The following DENND2B variants were observed in gnomAD, a reference collection of about 807,000 sequenced individuals.
DENND2B encodes the protein DENN domain containing 2B.
Under a neutral mutation model 116.0 loss-of-function variants are expected in DENND2B, and 32 were observed. The observed-to-expected ratio is 0.28, with a 90% CI of 0.21 to 0.37. The LOEUF (loss-of-function observed/expected upper bound fraction) is 0.37, where lower values mean the gene tolerates loss of function less well. Ranked by LOEUF, DENND2B falls within the 10% of genes least tolerant of loss-of-function variation. The pLI, the probability that DENND2B is intolerant of heterozygous loss-of-function variation, is 1.00. For missense variants in DENND2B, 1,276 were observed against 1,477.7 expected, an observed-to-expected ratio of 0.86 and a Z score of 2.24; for synonymous variants, 588 against 583.9, an observed-to-expected ratio of 1.01 and a Z score of -0.10.
At position 8,910,709 on chromosome 11, in the gene DENND2B, A is replaced by AGTGTGTGTGTGTGTGTGTGTGTGT. The variant is rs56115841; in HGVS notation, c.-256+88_-256+111dup. On this transcript the variant is annotated intron_variant, in intron 1 of 22. Transcript: ENST00000534127. Reference sequence around the variant, plus strand: ...TGGTACCCCATAACCACTCCTGGCTAGTGTGTGTGTGTGTGTGTGTGTGTG... The same window carrying AGTGTGTGTGTGTGTGTGTGTGTGT: ...TGGTACCCCATAACCACTCCTGGCTAGTGTGTGTGTGTGTGTGTGTGTGTGTGTGTGTGTGTGTGTGTGTGTGTG... 1.1e-3 allele frequency: 83 copies of AGTGTGTGTGTGTGTGTGTGTGTGT among 72,380 alleles called. 5 individuals are homozygous for AGTGTGTGTGTGTGTGTGTGTGTGT. The highest frequency in any genetic ancestry group is 4.6e-3 in the African/African-American group (80 of 17,286). 4.5% of individuals were successfully genotyped at this position (72,380 alleles called of 1,614,324 possible).
intron 3 of DENND2B, among the ~76,000 whole-genome samples, chr11:8,840,314 A>T (rs895276565): frequency 1.3e-5 from 2 of 152,170 alleles, no homozygotes; most frequent in African/African-American, 4.8e-5. Context: ...GCATTCACCA[A>T]AATTCCAGGG....
rs537922832 is a variant in DENND2B, at chr11:8,735,047, T to A, written c.81-3838A>T. ...GGAGTAAATCAAATATGACCATGAATTCTCAGCAGCTCAGGCTATGGAAAG... is the reference window on the plus strand; with the variant it reads ...GGAGTAAATCAAATATGACCATGAAATCTCAGCAGCTCAGGCTATGGAAAG... On this transcript the variant is annotated intron_variant, in intron 2 of 19. Coordinates refer to ENST00000313726, the MANE Select transcript of DENND2B (RefSeq NM_213618.2). Among the ~76,000 whole-genome samples the A allele has an allele frequency of 3.3e-5, 5 of 152,056 alleles. No individual in the cohort carries two copies. In the East Asian group the frequency reaches 9.7e-4, roughly 29 times the overall value.
intron 1 of DENND2B, among the ~76,000 whole-genome samples, chr11:8,892,098 T>C (rs2568039): frequency 0.9 from 136,637 of 152,228 alleles, 63,128 homozygotes; most frequent in East Asian, 1. Context: ...CACTCAAAAC[T>C]GTTCAACTAC....
At chr11:8,776,360 G>C (rs190578650) in intron 1 of DENND2B, 43 of 401,384 alleles carry the variant, frequency 1.1e-4, no homozygotes, top group African/African-American at 7.8e-4. Flanking sequence ...TGAAGCTCAG[G>C]CTGAGAAGCC....
At chr11:8,695,740 G>A (rs950044331) in intron 18 of DENND2B, 191 bp from the exon 19 acceptor site, 61 of 589,622 alleles carry the variant, frequency 1.0e-4, no homozygotes, top group African/African-American at 8.4e-4. Flanking sequence ...ACATCTTGCC[G>A]GGGTTTGCTG....
chr11:8,754,633 A>T (rs1182575148), intron 1 of DENND2B, among the ~76,000 whole-genome samples: 1 of 152,264 alleles, frequency 6.6e-6, no homozygotes, highest in Non-Finnish European at 1.5e-5. Context: ...AATGTTCATA[A>T]CAGAATTACT....
At chr11:8,720,721 T>C (rs1303784990) in intron 4 of DENND2B, among the ~76,000 whole-genome samples, 1 of 151,944 alleles carries the variant, frequency 6.6e-6, no homozygotes, top group East Asian at 1.9e-4. Context: ...CCCAGTCATC[T>C]CTCCAGGTGG....
At chr11:8,701,342 T>G (rs1028163463) in intron 14 of DENND2B, among the ~76,000 whole-genome samples, 1 of 6,116 alleles carries the variant, frequency 1.6e-4, no homozygotes, top group Non-Finnish European at 3.3e-4. Flanking sequence ...AAGGCCAGCT[T>G]CCGGGGGGGG....
chr11:8,699,508 G>A (rs1565626404), intron 14 of DENND2B, 118 bp from the exon 15 acceptor site: 3 of 1,033,800 alleles, frequency 2.9e-6, no homozygotes, highest in African/African-American at 1.6e-5. Context: ...ATGCTAATGG[G>A]GTTCAGGGAC....
Position 8,714,015 on chromosome 11 carries a change from G to T in DENND2B, c.1970C>A (p.Ser657Tyr). ...TGCCTCACCTTTGAACCTGTCATCA[G>T]AGTCGCTCTCGCTCTCACTGTTTTC... is the stretch of plus-strand genomic sequence containing the variant. ...RDENSESESD[S>Y]DDRFKAHTQR... Residue 657 changes from serine to tyrosine, a missense_variant, in exon 8 of 20, where the codon TCT becomes TAT. This residue lies in a region of DENND2B where 420 missense variants were observed against 631.1 expected (regional missense o/e 0.67). Coordinates refer to ENST00000313726, the MANE Select transcript of DENND2B (RefSeq NM_213618.2). The T allele has an allele frequency of 6.2e-7, 1 of 1,614,158 alleles. No individual in the cohort carries two copies. Among genetic ancestry groups the T allele is most frequent in the Non-Finnish European group, 8.5e-7 (1 of 1,180,046 alleles).
intron 1 of DENND2B, among the ~76,000 whole-genome samples, chr11:8,771,481 G>T (rs2134182897): frequency 6.8e-6 from 1 of 146,210 alleles, no homozygotes; most frequent in Non-Finnish European, 1.5e-5. Context: ...AATATATATA[G>T]ATATCTCTCT....
intron 1 of DENND2B, among the ~76,000 whole-genome samples, chr11:8,885,590 G>T (rs931564589): frequency 2.0e-5 from 3 of 152,078 alleles, no homozygotes; most frequent in African/African-American, 7.2e-5. Context: ...ATACATTCCT[G>T]CATTTCTAAC....
chr11:8,864,264 C>T (rs1365233254), intron 2 of DENND2B, among the ~76,000 whole-genome samples: 1 of 152,082 alleles, frequency 6.6e-6, no homozygotes. Context: ...CATCCAATTT[C>T]TTTTGTTGTT....
intron 1 of DENND2B, among the ~76,000 whole-genome samples, chr11:8,888,052 C>G (rs971567968): frequency 3.3e-5 from 5 of 152,222 alleles, no homozygotes; most frequent in Non-Finnish European, 7.3e-5. Flanking sequence ...TGGAATGTCT[C>G]TCCCCAGCTA....
chr11:8,757,109 G>A (rs1480208602), intron 1 of DENND2B: 6 of 456,098 alleles, frequency 1.3e-5, no homozygotes, highest in Non-Finnish European at 2.6e-5. Flanking sequence ...CCGAGGGGCA[G>A]TGGAAAAACA....
chr11:8,774,256 C>T, intron 1 of DENND2B: 1 of 985,468 alleles, frequency 1.0e-6, no homozygotes, highest in Non-Finnish European at 1.2e-6. Flanking sequence ...GACTAGCAGT[C>T]TCTTCCAGAA....
At chr11:8,880,588 A>G (rs2063893880) in intron 2 of DENND2B, among the ~76,000 whole-genome samples, 2 of 152,156 alleles carry the variant, frequency 1.3e-5, no homozygotes, top group Admixed American at 1.3e-4. Context: ...AACTATCTTC[A>G]TTTCTAAAAT....
At chr11:8,760,887 G>C (rs1454143760) in intron 1 of DENND2B, among the ~76,000 whole-genome samples, 1 of 152,116 alleles carries the variant, frequency 6.6e-6, no homozygotes, top group African/African-American at 2.4e-5. Context: ...GCCCCCGTGA[G>C]GCTGAAATCT....
At chr11:8,714,083 C>G (rs2133816278) in intron 7 of DENND2B, 41 bp from the exon 8 acceptor site, 1 of 1,609,928 alleles carries the variant, frequency 6.2e-7, no homozygotes, top group East Asian at 2.2e-5. Context: ...CTGGACCTCA[C>G]AGCCAATGTT....
Sources: gnomAD v4.1 joint callset for allele counts (sites outside exome capture counted in the v4.1 genomes callset) on GRCh38, gnomAD v4.1.1 for gene constraint, gnomAD v4.1.1 regional missense constraint, MANE v1.5 for transcripts, NCBI Gene and HGNC (gene_info 2026-07-23, HGNC 2026-07-21) for gene names.